Variants in INCENP observed in about 807,000 individuals in gnomAD.
INCENP encodes the protein inner centromere protein.
In INCENP, 43 loss-of-function variants were observed where a neutral mutation model predicts 107.3. The ratio of observed to expected loss-of-function variants is 0.40; its 90% CI spans 0.31 to 0.52. The LOEUF (loss-of-function observed/expected upper bound fraction) is 0.52, where lower values mean the gene tolerates loss of function less well. INCENP is among the 20% of genes least tolerant of loss of function. The probability of loss-of-function intolerance (pLI) is 0.53; values close to 1 mark genes in which losing one functional copy is unlikely to be tolerated. For missense variants in INCENP, 1,089 were observed against 1,250.9 expected (o/e 0.87, Z 1.95); for synonymous variants, 488 against 494.4 (o/e 0.99, Z 0.17).
At position 62,137,894 on chromosome 11, in the gene INCENP, T is replaced by C. The variant is rs1295046025; in HGVS notation, c.1115+11T>C. 1.2e-6 allele frequency: 2 copies of C among 1,613,128 alleles called. No individual in the cohort carries two copies. Among genetic ancestry groups the C allele is most frequent in the Admixed American group, 3.3e-5 (2 of 60,004 alleles). On this transcript the variant is annotated intron_variant, in intron 5 of 18. Coordinates refer to ENST00000394818, the MANE Select transcript of INCENP (RefSeq NM_001040694.2). ...GCCCCAGAAAGTTGGGTGAGTTCAG[T>C]TCCAGGGCTTCGGAGGTAGGCAGGG...
In INCENP at chr11:62,145,561, G is replaced by C; in HGVS notation, c.1837-68G>C. 2.0e-6 allele frequency: 3 copies of C among 1,530,102 alleles called. No individual in the cohort carries two copies. The Admixed American group carries it at 6.0e-5, about 31-fold the overall frequency. The allele number at this position is 1,530,102 out of a possible 1,614,324, so 94.8% of individuals were successfully genotyped here. A position where few individuals can be genotyped will look rare whatever the true frequency, so the allele number is the denominator to read the frequency against. On this transcript the variant is annotated intron_variant, in intron 13 of 18. Coordinates refer to ENST00000394818, the MANE Select transcript of INCENP (RefSeq NM_001040694.2). ...GGGCAGGTGGGGCCTGTCACACACA[G>C]TTCTGGGCTCCACTCTGCAGGATTG...
chr11:62,144,809 G>A (rs754088565), intron 11 of INCENP, 173 bp from the exon 12 acceptor site: 30 of 769,176 alleles, frequency 3.9e-5, no homozygotes, highest in Non-Finnish European at 6.1e-5. Context: ...CGGGAGCTGC[G>A]GGCCTTGGCT....
rs760205809 is a variant in INCENP at position 62,146,777 on chromosome 11, G to GGAGCAGGAGCGGCGC, written c.2109_2123dup (p.Arg713_Arg717dup). 1.2e-3 allele frequency: 1,820 copies of GGAGCAGGAGCGGCGC among 1,537,524 alleles called. 14 individuals carry two copies. The African/African-American group carries it at 0.014, about 12-fold the overall frequency. On this transcript the variant is annotated inframe_insertion, in exon 15 of 19. Transcript: ENST00000394818. ...CAGAGCAGCGGGAGCAGGAGCGGCGGGAGCAGGAGCGGCGCGAGCAGGAGC... is the reference window on the plus strand; with the variant it reads ...CAGAGCAGCGGGAGCAGGAGCGGCGGGAGCAGGAGCGGCGCGAGCAGGAGCGGCGCGAGCAGGAGC...
intron 4 of INCENP, among the ~76,000 whole-genome samples, chr11:62,132,141 T>C (rs1382469709): frequency 2.0e-5 from 3 of 152,204 alleles, no homozygotes; most frequent in Non-Finnish European, 4.4e-5. Context: ...CCTGGCACTT[T>C]AAGATTTATA....
At chr11:62,134,743 T>C (rs1943956259) in intron 4 of INCENP, among the ~76,000 whole-genome samples, 1 of 152,208 alleles carries the variant, frequency 6.6e-6, no homozygotes, top group Non-Finnish European at 1.5e-5. Context: ...TGCATTGTGT[T>C]GTTTGGGTTA....
chr11:62,146,753 A>AGAGCAGCGGGAGCAG lies in INCENP; in HGVS notation c.2060_2074dup (p.Gln687_Glu691dup), dbSNP rs774079125. ...AGGCGGCCGAGGCTAAGCGGCTGGC[A>AGAGCAGCGGGAGCAG]GAGCAGCGGGAGCAGGAGCGGCGGG... On this transcript the variant is annotated inframe_insertion, in exon 15 of 19. Transcript: ENST00000394818. 20 of 1,540,396 alleles carry AGAGCAGCGGGAGCAG rather than the reference A, an allele frequency of 1.3e-5. 1 individual carries two copies. In the South Asian group the frequency reaches 1.6e-4, roughly 12 times the overall value.
chr11:62,135,431 A>T (rs1426309186), intron 4 of INCENP, among the ~76,000 whole-genome samples: 1 of 151,600 alleles, frequency 6.6e-6, no homozygotes, highest in Non-Finnish European at 1.5e-5. Flanking sequence ...CGCCCGGATA[A>T]TTTTTGTCTT....
rs771856880 is a variant in INCENP, at chr11:62,148,540, GAGA to G, written c.2281_2283del (p.Lys761del). ...GGAGCAGCTGCAGAGGGAACTGGAGGAGAAGAAGAAGAAGGTGAGGGGAGCTGG... is the reference window on the plus strand; with the variant it reads ...GGAGCAGCTGCAGAGGGAACTGGAGGAGAAGAAGAAGGTGAGGGGAGCTGG... On this transcript the variant is annotated inframe_deletion, in exon 16 of 19. Coordinates refer to ENST00000394818, the MANE Select transcript of INCENP (RefSeq NM_001040694.2). 67 of 1,606,722 alleles carry G rather than the reference GAGA, an allele frequency of 4.2e-5. No individual in the cohort carries two copies. The highest frequency in any genetic ancestry group is 1.7e-4 in the Middle Eastern group (1 of 5,944).
chr11:62,130,689 T>C, intron 4 of INCENP, 99 bp downstream of exon 4: 1 of 1,068,962 alleles, frequency 9.4e-7, no homozygotes, highest in Non-Finnish European at 1.4e-6. Flanking sequence ...CCAGAGAGCT[T>C]TCTGCAGTGA....
At position 62,130,499 on chromosome 11, in the gene INCENP, G is replaced by A; in HGVS notation, c.972G>A (p.Leu324=). 1 of 1,614,092 alleles carries A rather than the reference G, an allele frequency of 6.2e-7. No homozygotes were observed. Among genetic ancestry groups the A allele is most frequent in the Non-Finnish European group, 8.5e-7 (1 of 1,180,036 alleles). ...SPQVLAQKYS[L]VAKQESVVRR... The stretch of plus-strand genomic sequence containing the variant: ...AAGTCTTAGCCCAGAAGTACTCTCT[G>A]GTGGCCAAACAGGAAAGTGTTGTCC... Residue 324 remains leucine, a synonymous_variant, in exon 4 of 19, where the codon CTG becomes CTA. Coordinates refer to ENST00000394818, the MANE Select transcript of INCENP (RefSeq NM_001040694.2).
chr11:62,151,706 G>A (rs1430645134), intron 18 of INCENP, 56 bp from the exon 19 acceptor site: 1 of 1,462,234 alleles, frequency 6.8e-7, no homozygotes, highest in African/African-American at 1.4e-5. Flanking sequence ...GTGGGCAAGG[G>A]ATGGGGAGGT....
chr11:62,146,588 G>C, intron 14 of INCENP, 70 bp from the exon 15 acceptor site: 1 of 1,537,766 alleles, frequency 6.5e-7, no homozygotes, highest in Non-Finnish European at 8.8e-7. Context: ...GGCTTCGGGG[G>C]AGTAGGGCTG....
chr11:62,138,189 A>T (rs746515756), intron 5 of INCENP, among the ~76,000 whole-genome samples: 3 of 152,156 alleles, frequency 2.0e-5, no homozygotes, highest in Non-Finnish European at 4.4e-5. Flanking sequence ...TGGCTGGGGT[A>T]GGATAGGAGT....
chr11:62,146,002 A>G (rs1156588112), intron 14 of INCENP, among the ~76,000 whole-genome samples: 1 of 152,226 alleles, frequency 6.6e-6, no homozygotes, highest in Non-Finnish European at 1.5e-5. Context: ...CAGCTCTGCC[A>G]TTTATTAGCT....
intron 1 of INCENP, among the ~76,000 whole-genome samples, chr11:62,127,914 G>T (rs1211225756): frequency 6.6e-6 from 1 of 152,116 alleles, no homozygotes; most frequent in Non-Finnish European, 1.5e-5. Context: ...GGGGGGTGGG[G>T]ACAGGGAGGT....
At chr11:62,138,452 C>T (rs537398041) in intron 5 of INCENP, among the ~76,000 whole-genome samples, 5 of 152,344 alleles carry the variant, frequency 3.3e-5, no homozygotes, top group African/African-American at 1.2e-4. Context: ...GAGGACAGGG[C>T]TCACATCCTG....
chr11:62,132,023 A>C (rs906709552), intron 4 of INCENP, among the ~76,000 whole-genome samples: 9 of 152,160 alleles, frequency 5.9e-5, no homozygotes, highest in African/African-American at 9.7e-5. Flanking sequence ...TCCTGACCTC[A>C]AGTGATTCAC....
intron 16 of INCENP, 23 bp from the exon 17 acceptor site, chr11:62,148,716 C>T: frequency 6.4e-7 from 1 of 1,555,312 alleles, no homozygotes; most frequent in Non-Finnish European, 8.7e-7. Flanking sequence ...CTCCCTAACA[C>T]CCCATTGCCA....
At chr11:62,129,135 T>C (rs1943822437) in intron 3 of INCENP, among the ~76,000 whole-genome samples, 1 of 152,038 alleles carries the variant, frequency 6.6e-6, no homozygotes, top group South Asian at 2.1e-4. Flanking sequence ...ATCTGGGCCC[T>C]GGAGAATGGG....
Sources: allele counts gnomAD v4.1 joint callset (sites outside exome capture counted in the v4.1 genomes callset), GRCh38; gene constraint gnomAD v4.1.1; transcripts MANE v1.5; gene names NCBI Gene and HGNC (gene_info 2026-07-23, HGNC 2026-07-21).